Variants in PTBP2 observed in about 807,000 individuals in gnomAD.
PTBP2 encodes the protein polypyrimidine tract binding protein 2, also known as polypyrimidine tract-binding protein 2.
A neutral mutation model predicts 61.4 loss-of-function variants in PTBP2; 13 were observed. The ratio of observed to expected loss-of-function variants is 0.21; its 90% CI spans 0.14 to 0.34. The LOEUF (loss-of-function observed/expected upper bound fraction) is 0.34. PTBP2 is among the 10% of genes least tolerant of loss of function. The pLI, the probability that PTBP2 is intolerant of heterozygous loss-of-function variation, is 1.00. For missense variants in PTBP2, 405 were observed against 642.6 expected (o/e 0.63, Z 4.00); for synonymous variants, 215 against 218.5 (o/e 0.98, Z 0.14).
chr1:96,767,527 A>G (rs989227573), intron 3 of PTBP2, among the ~76,000 whole-genome samples: 7 of 152,140 alleles, frequency 4.6e-5, no homozygotes, highest in African/African-American at 1.7e-4. Context: ...TATTCAAACA[A>G]ACTAATGAAC....
rs140041979 is a variant in PTBP2 at position 96,740,322 on chromosome 1, A to C, written c.40-11103A>C. On this transcript the variant is annotated intron_variant, in intron 2 of 13. Transcript: ENST00000674951. ...AGGCCACTTCTCTTGAAGTGAGGCC[A>C]CCATTTTACTTTGTGTGCCTCACAT... 9.8e-4 allele frequency among the ~76,000 whole-genome samples: 149 copies of C among 152,260 alleles called. 1 individual carries two copies. In the East Asian group the frequency reaches 0.026, roughly 27 times the overall value.
At chr1:96,777,282 A>G (rs1411287645) in intron 5 of PTBP2, among the ~76,000 whole-genome samples, 2 of 152,204 alleles carry the variant, frequency 1.3e-5, no homozygotes, top group African/African-American at 4.8e-5. Context: ...TTCTGATGGT[A>G]CATGTATTTA....
chr1:96,816,863 A>T (rs559220735), downstream of PTBP2: 1 of 152,314 alleles, frequency 6.6e-6, no homozygotes, highest in East Asian at 1.9e-4. Context: ...CTATGCAATT[A>T]GTTAACTAAT....
At chr1:96,728,176 G>A (rs1004620394) in intron 2 of PTBP2, among the ~76,000 whole-genome samples, 4 of 151,964 alleles carry the variant, frequency 2.6e-5, no homozygotes, top group African/African-American at 7.3e-5. Flanking sequence ...TTATAGACCC[G>A]GGGTCTCTCT....
At chr1:96,793,598 C>T (rs1295631952) in intron 8 of PTBP2, among the ~76,000 whole-genome samples, 2 of 152,206 alleles carry the variant, frequency 1.3e-5, no homozygotes, top group South Asian at 2.1e-4. Flanking sequence ...GTCTCAATCT[C>T]CTGACCTCGT....
chr1:96,770,348 T>TA (rs1330260628), intron 4 of PTBP2, among the ~76,000 whole-genome samples: 1 of 152,122 alleles, frequency 6.6e-6, no homozygotes, highest in Non-Finnish European at 1.5e-5. Context: ...TGTCTCTATA[T>TA]AATTATACTG....
intron 7 of PTBP2, among the ~76,000 whole-genome samples, chr1:96,781,535 A>G (rs904011172): frequency 1.3e-5 from 2 of 151,856 alleles, no homozygotes; most frequent in Admixed American, 1.3e-4. Flanking sequence ...TCCATTTGCT[A>G]ATACTATTTT....
chr1:96,812,431 C>G (rs946310938), intron 11 of PTBP2, among the ~76,000 whole-genome samples: 2 of 152,130 alleles, frequency 1.3e-5, no homozygotes, highest in African/African-American at 4.8e-5. Flanking sequence ...AAGTTTCTTT[C>G]TTGTGTAGCT....
At chr1:96,773,997 C>T (rs1657714190) in intron 5 of PTBP2, among the ~76,000 whole-genome samples, 1 of 150,392 alleles carries the variant, frequency 6.6e-6, no homozygotes, top group Non-Finnish European at 1.5e-5. Flanking sequence ...CTGGTACCAG[C>T]AGGGCACTTT....
At chr1:96,757,942 C>CA (rs978698782) in intron 3 of PTBP2, among the ~76,000 whole-genome samples, 2 of 151,338 alleles carry the variant, frequency 1.3e-5, no homozygotes, top group Non-Finnish European at 3.0e-5. Flanking sequence ...ACCTATATTA[C>CA]AAAAAAAGGT....
At chr1:96,763,396 C>T (rs1414413895) in intron 3 of PTBP2, among the ~76,000 whole-genome samples, 2 of 152,018 alleles carry the variant, frequency 1.3e-5, no homozygotes, top group Non-Finnish European at 2.9e-5. Context: ...GCCAACACAG[C>T]GAAACCCCGT....
intron 8 of PTBP2, among the ~76,000 whole-genome samples, chr1:96,800,395 CTTTTT>C (rs376568803): frequency 4.8e-5 from 6 of 125,210 alleles, no homozygotes; most frequent in Admixed American, 1.7e-4. Context: ...CATTCTCTGG[CTTTTT>C]TTTTTTTTTT....
At chr1:96,794,205 G>A (rs561227085) in intron 8 of PTBP2, among the ~76,000 whole-genome samples, 6 of 152,042 alleles carry the variant, frequency 3.9e-5, no homozygotes, top group South Asian at 2.1e-4. Flanking sequence ...TCATCTTAGG[G>A]TTAATATTTT....
intron 8 of PTBP2, among the ~76,000 whole-genome samples, chr1:96,791,826 C>CTTTTTTTTGT (rs1482989030): frequency 0.013 from 826 of 66,004 alleles, 37 homozygotes; most frequent in East Asian, 0.042. Flanking sequence ...TGGAGTTGTG[C>CTTTTTTTTGT]TTTTTTTTTT....
intron 7 of PTBP2, among the ~76,000 whole-genome samples, chr1:96,782,664 A>G (rs1241937119): frequency 6.6e-6 from 1 of 152,022 alleles, no homozygotes; most frequent in Non-Finnish European, 1.5e-5. Flanking sequence ...ATTTTTCATG[A>G]CTTGCCAAAT....
chr1:96,776,795 A>G (rs899465175), intron 5 of PTBP2, among the ~76,000 whole-genome samples: 8 of 151,348 alleles, frequency 5.3e-5, no homozygotes, highest in African/African-American at 1.9e-4. Context: ...TATTTGATTG[A>G]CAGATTTCCT....
chr1:96,772,475 T>C (rs1408944888), intron 5 of PTBP2, among the ~76,000 whole-genome samples: 1 of 152,148 alleles, frequency 6.6e-6, no homozygotes, highest in Non-Finnish European at 1.5e-5. Flanking sequence ...TACAGTATTA[T>C]GCATTACAGT....
chr1:96,804,129 T>A (rs553027533), intron 8 of PTBP2, among the ~76,000 whole-genome samples: 1 of 152,344 alleles, frequency 6.6e-6, no homozygotes, highest in East Asian at 1.9e-4. Context: ...AGGAAAATAC[T>A]GAAACAAAAT....
At chr1:96,755,035 T>C (rs1655001171) in intron 3 of PTBP2, among the ~76,000 whole-genome samples, 1 of 152,096 alleles carries the variant, frequency 6.6e-6, no homozygotes, top group Admixed American at 6.5e-5. Context: ...CAAAAGAAAC[T>C]GCTAGGGAAT....
Sources: gnomAD v4.1 joint callset for allele counts (sites outside exome capture counted in the v4.1 genomes callset) on GRCh38, gnomAD v4.1.1 for gene constraint, MANE v1.5 for transcripts, NCBI Gene and HGNC (gene_info 2026-07-23, HGNC 2026-07-21) for gene names.